GNG2: variants seen among roughly 807,000 people sequenced by gnomAD.
The protein encoded by GNG2 is guanine nucleotide-binding protein G(I)/G(S)/G(O) subunit gamma-2.
Under a neutral mutation model 5.5 loss-of-function variants are expected in GNG2, and 5 were observed. The observed-to-expected ratio is 0.91, with a 90% confidence interval of 0.48 to 1.92. GNG2 has a LOEUF of 1.92. GNG2 is among the 30% of genes most tolerant of loss of function. The pLI, the probability that GNG2 is intolerant of heterozygous loss-of-function variation, is 0.01. For synonymous variants in GNG2, 28 were observed against 32.0 expected, an observed-to-expected ratio of 0.88 and a Z score of 0.42; for missense variants, 55 against 88.4, an observed-to-expected ratio of 0.62 and a Z score of 1.52.
intron 1 of GNG2, among the ~76,000 whole-genome samples, chr14:51,875,069 T>G (rs1315324274): frequency 1.3e-5 from 2 of 152,248 alleles, no homozygotes; most frequent in Admixed American, 6.5e-5. Flanking sequence ...TTGAACTGCA[T>G]GTAACAGTGG....
chr14:51,847,856 T>G (rs1881695243), intron 2 of GNG2, among the ~76,000 whole-genome samples: 1 of 145,052 alleles, frequency 6.9e-6, no homozygotes. Context: ...ATAGGGATGT[T>G]ACTCTATGAA....
chr14:51,840,696 C>T (rs1054088578), intron 2 of GNG2, among the ~76,000 whole-genome samples: 4 of 152,252 alleles, frequency 2.6e-5, no homozygotes, highest in Non-Finnish European at 5.9e-5. Flanking sequence ...GAATGTACTT[C>T]TGTCAATCTG....
At chr14:51,853,204 T>C (rs1453132133) in intron 2 of GNG2, among the ~76,000 whole-genome samples, 1 of 152,204 alleles carries the variant, frequency 6.6e-6, no homozygotes, top group Non-Finnish European at 1.5e-5. Context: ...TCAGTTAAAG[T>C]TAACAAACAA....
chr14:51,886,059 G>A (rs920249846), intron 2 of GNG2, among the ~76,000 whole-genome samples: 8 of 152,130 alleles, frequency 5.3e-5, no homozygotes, highest in African/African-American at 1.4e-4. Flanking sequence ...TTTTATTGTA[G>A]CAAGCATCTC....
At chr14:51,948,979 G>A (rs1888806447) in intron 2 of GNG2, among the ~76,000 whole-genome samples, 1 of 152,142 alleles carries the variant, frequency 6.6e-6, no homozygotes, top group African/African-American at 2.4e-5. Context: ...AAATTAGCCA[G>A]GTGTGGTGGC....
At chr14:51,864,176 T>C (rs71422042) in intron 1 of GNG2, among the ~76,000 whole-genome samples, 1 of 152,220 alleles carries the variant, frequency 6.6e-6, no homozygotes, top group Admixed American at 6.5e-5. Context: ...ATTTATTTTG[T>C]TTTTTATTTA....
At chr14:51,932,025 T>C (rs1471336314) in intron 2 of GNG2, among the ~76,000 whole-genome samples, 2 of 151,850 alleles carry the variant, frequency 1.3e-5, no homozygotes, top group African/African-American at 4.8e-5. Flanking sequence ...GGTGGGTGGA[T>C]CACGAGGTCA....
At chr14:51,869,544 G>A (rs184778345) in intron 1 of GNG2, among the ~76,000 whole-genome samples, 47 of 152,222 alleles carry the variant, frequency 3.1e-4, no homozygotes, top group East Asian at 2.1e-3. Flanking sequence ...ACAGGGCCTC[G>A]GTCTGTCACC....
chr14:51,891,460 C>T (rs1018937156), intron 2 of GNG2, among the ~76,000 whole-genome samples: 2 of 152,082 alleles, frequency 1.3e-5, no homozygotes, highest in Admixed American at 6.6e-5. Context: ...CATGTGCATA[C>T]ATATATATAT....
chr14:51,894,566 G>T (rs181999323), intron 2 of GNG2, among the ~76,000 whole-genome samples: 136 of 152,210 alleles, frequency 8.9e-4, no homozygotes, highest in Non-Finnish European at 1.5e-3. Flanking sequence ...GGTTAGGCAG[G>T]ATGTTTCTTC....
At chr14:51,935,171 C>G (rs1032177054) in intron 2 of GNG2, among the ~76,000 whole-genome samples, 7 of 152,070 alleles carry the variant, frequency 4.6e-5, no homozygotes, top group Admixed American at 1.3e-4. Context: ...ACTACAGGTG[C>G]CTGCCACCAC....
At chr14:51,928,740 G>C (rs1433456004) in intron 2 of GNG2, among the ~76,000 whole-genome samples, 1 of 152,134 alleles carries the variant, frequency 6.6e-6, no homozygotes, top group African/African-American at 2.4e-5. Context: ...TTGGCTCCGG[G>C]TACATACGGC....
intron 2 of GNG2, among the ~76,000 whole-genome samples, chr14:51,901,647 A>G (rs2140181019): frequency 6.6e-6 from 1 of 151,744 alleles, no homozygotes. Flanking sequence ...GGAGGTGTGC[A>G]TAGTGCCCTC....
Position 51,967,301 on chromosome 14 carries a change from C to T in GNG2, c.*614C>T, listed in dbSNP as rs1405266262. 1.3e-5 allele frequency: 2 copies of T among 152,182 alleles called. No homozygotes were observed. Among genetic ancestry groups the T allele is most frequent in the Admixed American group, 6.5e-5 (1 of 15,274 alleles). The allele number at this position is 152,182 out of a possible 1,614,324, so 9.4% of individuals were successfully genotyped here. A position where few individuals can be genotyped will look rare whatever the true frequency, so the allele number is the denominator to read the frequency against. ...TAGGGAGATGTTCCCCGTGGTGTAT[C>T]CTCATGGTAACAACGACAAAAAATG... On this transcript the variant is annotated 3_prime_UTR_variant, in exon 4 of 4. Coordinates refer to ENST00000556766, the MANE Select transcript of GNG2 (RefSeq NM_053064.5).
intron 3 of GNG2, among the ~76,000 whole-genome samples, chr14:51,954,262 CT>C (rs1165169917): frequency 6.6e-6 from 1 of 151,956 alleles, no homozygotes; most frequent in Non-Finnish European, 1.5e-5. Context: ...CTTTGTATTT[CT>C]TTGTTAGGAT....
At chr14:51,918,597 T>TA (rs1243109872) in intron 2 of GNG2, 2 of 151,826 alleles carry the variant, frequency 1.3e-5, no homozygotes, top group Non-Finnish European at 2.9e-5. Context: ...TGAAAATAAG[T>TA]AAAAAAATAA....
At chr14:51,883,316 T>C (rs1334028670) in intron 2 of GNG2, among the ~76,000 whole-genome samples, 1 of 152,220 alleles carries the variant, frequency 6.6e-6, no homozygotes, top group Non-Finnish European at 1.5e-5. Context: ...ACTTAACCAG[T>C]GCATAGCATT....
intron 1 of GNG2, among the ~76,000 whole-genome samples, chr14:51,871,194 G>A (rs984653556): frequency 5.9e-5 from 9 of 151,948 alleles, no homozygotes; most frequent in Non-Finnish European, 4.4e-5. Flanking sequence ...TGTGTTTAGG[G>A]AACATTGCTG....
chr14:51,835,977 C>A (rs1173323524), intron 2 of GNG2, among the ~76,000 whole-genome samples: 1 of 151,416 alleles, frequency 6.6e-6, no homozygotes. Context: ...CTATACAGAA[C>A]ACTATAGACT....
Sources: gnomAD v4.1 joint callset for allele counts (sites outside exome capture counted in the v4.1 genomes callset) on GRCh38, gnomAD v4.1.1 for gene constraint, MANE v1.5 for transcripts, NCBI Gene and HGNC (gene_info 2026-07-23, HGNC 2026-07-21) for gene names.